DOCK1: variants seen among roughly 807,000 people sequenced by gnomAD.
DOCK1 encodes the protein dedicator of cytokinesis 1, also known as dedicator of cytokinesis protein 1.
A neutral mutation model predicts 262.7 loss-of-function variants in DOCK1; 138 were observed. That is an observed-to-expected ratio of 0.53 (90% CI 0.46 to 0.61). The LOEUF is 0.61. DOCK1 is among the 20% of genes least tolerant of loss of function. The probability of loss-of-function intolerance (pLI) is 0.00; values close to 1 mark genes in which losing one functional copy is unlikely to be tolerated. For synonymous variants in DOCK1, 866 were observed against 867.4 expected, an observed-to-expected ratio of 1.00 and a Z score of 0.03; for missense variants, 1,908 against 2,370.7, an observed-to-expected ratio of 0.80 and a Z score of 4.05.
intron 29 of DOCK1, among the ~76,000 whole-genome samples, chr10:127,291,902 T>C (rs1267201069): frequency 6.6e-6 from 1 of 152,176 alleles, no homozygotes; most frequent in East Asian, 1.9e-4. Flanking sequence ...AAATAGGCCC[T>C]CTCTGGGCTC....
rs558731221 is a variant in DOCK1, at chr10:127,398,791, G to A, written c.3928-4264G>A. On this transcript the variant is annotated intron_variant, in intron 38 of 51. Transcript: ENST00000623213. ...ATCGCCAGCCTGAATTATTAGAAAG[G>A]GATGGCTGTCCCGGCTGGCATCTTT... Among the ~76,000 whole-genome samples, 131 of 152,270 alleles carry A rather than the reference G, an allele frequency of 8.6e-4. 1 individual carries two copies. The highest frequency in any genetic ancestry group is 3.1e-3 in the African/African-American group (130 of 41,548).
intron 29 of DOCK1, among the ~76,000 whole-genome samples, chr10:127,285,309 A>C (rs2061109128): frequency 1.3e-5 from 2 of 152,258 alleles, no homozygotes; most frequent in Admixed American, 1.3e-4. Context: ...ATTAGAGCTC[A>C]GTATTAAAAC....
chr10:127,138,497 C>A (rs1213877952), intron 27 of DOCK1, among the ~76,000 whole-genome samples: 5 of 152,108 alleles, frequency 3.3e-5, no homozygotes, highest in Non-Finnish European at 7.4e-5. Flanking sequence ...TAAAACAATT[C>A]TGGAAGGAAA....
chr10:127,020,972 C>T (rs1028507087), intron 13 of DOCK1, among the ~76,000 whole-genome samples: 1 of 152,158 alleles, frequency 6.6e-6, no homozygotes, highest in African/African-American at 2.4e-5. Flanking sequence ...TCCAGGCAGG[C>T]GATGCCAAGT....
At position 127,116,875 on chromosome 10, in the gene DOCK1, T is replaced by A. The variant is rs115722355; in HGVS notation, c.2623+6521T>A. On this transcript the variant is annotated intron_variant, in intron 25 of 51. Coordinates refer to ENST00000623213, the MANE Select transcript of DOCK1 (RefSeq NM_001290223.2). ...AGATAGTTGTGCTGATGACTTCTGA[T>A]GAACGGTACCAGCTGTGAACCCTGA... is the stretch of plus-strand genomic sequence containing the variant. Among the ~76,000 whole-genome samples the A allele has an allele frequency of 1.3e-3, 195 of 152,328 alleles. 1 individual carries two copies. Among genetic ancestry groups the A allele is most frequent in the African/African-American group, 4.7e-3 (194 of 41,578 alleles).
At chr10:127,115,857 C>A (rs1344084489) in intron 25 of DOCK1, among the ~76,000 whole-genome samples, 1 of 152,200 alleles carries the variant, frequency 6.6e-6, no homozygotes, top group Admixed American at 6.5e-5. Flanking sequence ...TTTCAATGAA[C>A]ACTGGGTCAC....
Position 127,012,156 on chromosome 10 carries a change from G to A in DOCK1, c.1059-76G>A, listed in dbSNP as rs11017956. 0.01 allele frequency: 8,011 copies of A among 768,720 alleles called. 214 individuals carry two copies. Among genetic ancestry groups the A allele is most frequent in the East Asian group, 0.078 (3,014 of 38,856 alleles). 47.6% of individuals were successfully genotyped at this position (768,720 alleles called of 1,614,324 possible). A position where few individuals can be genotyped will look rare whatever the true frequency, so the allele number is the denominator to read the frequency against. ...GCACTCGGTGACGATGATCTCTTAT[G>A]TTCCCTTGTTACCGTGGCCCATGGG... On this transcript the variant is annotated intron_variant, in intron 11 of 51. Transcript: ENST00000623213. The surrounding 1 kb of genome is among the most constrained non-coding windows in gnomAD (Gnocchi z 4.0).
At chr10:126,930,776 A>G (rs2034128370) in intron 1 of DOCK1, among the ~76,000 whole-genome samples, 1 of 152,232 alleles carries the variant, frequency 6.6e-6, no homozygotes. Context: ...TGCATTAGCC[A>G]TGGCAGAGAA....
intron 16 of DOCK1, among the ~76,000 whole-genome samples, chr10:127,030,543 C>A (rs1378927847): frequency 6.6e-6 from 1 of 152,156 alleles, no homozygotes; most frequent in African/African-American, 2.4e-5. Flanking sequence ...ATTGGATTGT[C>A]CCCGTTGTCA....
At chr10:126,949,785 C>T (rs1193435613) in intron 1 of DOCK1, among the ~76,000 whole-genome samples, 1 of 151,990 alleles carries the variant, frequency 6.6e-6, no homozygotes, top group Non-Finnish European at 1.5e-5. Context: ...GGTGATATTT[C>T]TTGTGACTTT....
chr10:127,221,896 A>G (rs1376323782), intron 27 of DOCK1, among the ~76,000 whole-genome samples: 1 of 152,160 alleles, frequency 6.6e-6, no homozygotes, highest in Non-Finnish European at 1.5e-5. Context: ...TTGATGGTAA[A>G]TGTTTGGGAG....
chr10:127,386,263 T>C (rs2066113708), intron 38 of DOCK1, among the ~76,000 whole-genome samples: 2 of 152,130 alleles, frequency 1.3e-5, no homozygotes, highest in African/African-American at 4.8e-5. Flanking sequence ...CAAAGGCTGG[T>C]TGGAAATAAG....
At chr10:127,346,548 A>T (rs976479580) in intron 31 of DOCK1, among the ~76,000 whole-genome samples, 3 of 152,166 alleles carry the variant, frequency 2.0e-5, no homozygotes, top group Admixed American at 2.0e-4. Context: ...GTGAGCCATG[A>T]TCACACGACT....
chr10:127,079,863 G>A (rs759284869), intron 23 of DOCK1, among the ~76,000 whole-genome samples: 2 of 152,246 alleles, frequency 1.3e-5, no homozygotes, highest in East Asian at 1.9e-4. Context: ...GCTGGGAAGC[G>A]GAGGTTGCAG....
At position 127,052,799 on chromosome 10, in the gene DOCK1, A is replaced by G; in HGVS notation, c.2320A>G (p.Arg774Gly). The change falls in exon 22 of 52, where the codon AGG becomes GGG. Residue 774 changes from arginine (R) to glycine (G), a missense_variant. Coordinates refer to ENST00000623213, the MANE Select transcript of DOCK1 (RefSeq NM_001290223.2). ...ESIFKFIVRS[R>G]ILFNQLYENK... The stretch of plus-strand genomic sequence containing the variant: ...CATCTTCAAGTTCATCGTGCGCTCC[A>G]GGATCCTGTTCAATCAGTGCGTACC... The G allele has an allele frequency of 6.2e-7, 1 of 1,613,238 alleles. No individual in the cohort carries two copies. The highest frequency in any genetic ancestry group is 8.5e-7 in the Non-Finnish European group (1 of 1,179,540).
intron 1 of DOCK1, among the ~76,000 whole-genome samples, chr10:126,956,687 C>G (rs2036768740): frequency 6.6e-6 from 1 of 152,162 alleles, no homozygotes; most frequent in East Asian, 1.9e-4. Context: ...TACACACTCA[C>G]CAGGGACCCC....
At chr10:126,949,233 C>A (rs1180494013) in intron 1 of DOCK1, among the ~76,000 whole-genome samples, 1 of 152,106 alleles carries the variant, frequency 6.6e-6, no homozygotes, top group Non-Finnish European at 1.5e-5. Flanking sequence ...TTAACACACC[C>A]AGCTCCTGCT....
intron 29 of DOCK1, among the ~76,000 whole-genome samples, chr10:127,296,206 C>T (rs1793185003): frequency 6.6e-6 from 1 of 152,176 alleles, no homozygotes; most frequent in African/African-American, 2.4e-5. Context: ...ATTTTGTTAT[C>T]GAAGCAGGTC....
chr10:127,358,610 G>A (rs535819233), intron 32 of DOCK1, among the ~76,000 whole-genome samples: 5 of 152,256 alleles, frequency 3.3e-5, no homozygotes, highest in East Asian at 1.9e-4. Context: ...TTTATCCACC[G>A]CGTTGGGTTT....
Sources: allele counts gnomAD v4.1 joint callset (sites outside exome capture counted in the v4.1 genomes callset), GRCh38; gene constraint gnomAD v4.1.1; non-coding constraint Gnocchi (gnomAD v3.1); transcripts MANE v1.5; gene names NCBI Gene and HGNC (gene_info 2026-07-23, HGNC 2026-07-21).